MICAL3: variants seen among roughly 807,000 people sequenced by gnomAD.
MICAL3 encodes [F-actin]-monooxygenase MICAL3.
In MICAL3, 62 loss-of-function variants were observed where a neutral mutation model predicts 207.4. That is an observed-to-expected ratio of 0.30 (90% CI 0.24 to 0.37). The LOEUF (loss-of-function observed/expected upper bound fraction) is 0.37, where lower values mean the gene tolerates loss of function less well. MICAL3 is among the 10% of genes least tolerant of loss of function. The probability of loss-of-function intolerance (pLI) is 1.00; values close to 1 mark genes in which losing one functional copy is unlikely to be tolerated. For missense variants in MICAL3, 2,368 were observed against 2,635.6 expected, an observed-to-expected ratio of 0.90 and a Z score of 2.22; for synonymous variants, 1,077 against 1,069.3, an observed-to-expected ratio of 1.01 and a Z score of -0.14.
At chr22:17,943,675 C>G (rs1296561753) in intron 1 of MICAL3, among the ~76,000 whole-genome samples, 2 of 152,208 alleles carry the variant, frequency 1.3e-5, no homozygotes. Context: ...TGTTTGATAG[C>G]GTAAACTGGA....
intron 19 of MICAL3, among the ~76,000 whole-genome samples, chr22:17,858,205 G>A (rs1303172154): frequency 2.0e-5 from 3 of 152,094 alleles, no homozygotes; most frequent in African/African-American, 7.3e-5. Flanking sequence ...GCGGTGAGGA[G>A]ACAAGGAGCA....
intron 12 of MICAL3, 33 bp downstream of exon 12, chr22:17,891,452 T>C: frequency 1.2e-6 from 2 of 1,607,912 alleles, no homozygotes; most frequent in Non-Finnish European, 1.7e-6. Context: ...CCTTGAGGAG[T>C]ATAAAAAAAC....
intron 1 of MICAL3, among the ~76,000 whole-genome samples, chr22:17,944,814 G>C (rs993323016): frequency 2.0e-5 from 3 of 152,142 alleles, no homozygotes; most frequent in African/African-American, 7.2e-5. Flanking sequence ...TCTGAGGGTG[G>C]AGCAGGCCAC....
Position 17,818,402 on chromosome 22 carries a change from C to G in MICAL3, c.4259G>C (p.Arg1420Thr). 1 of 1,611,304 alleles carries G rather than the reference C, an allele frequency of 6.2e-7. No individual in the cohort carries two copies. Among genetic ancestry groups the G allele is most frequent in the Non-Finnish European group, 8.5e-7 (1 of 1,179,754 alleles). Reference sequence around the variant, plus strand: ...CAGGCCAGAGCTGCTGGACAGCTCCCTGCGCTCCTCCTGGGCGCTGCGTAG... The same window carrying G: ...CAGGCCAGAGCTGCTGGACAGCTCCGTGCGCTCCTCCTGGGCGCTGCGTAG... ...RELRSAQEER[R>T]ELSSSSGLGL... The change falls in exon 26 of 32, where the codon AGG becomes ACG. Residue 1420 changes from arginine to threonine, a missense_variant. Transcript: ENST00000441493.
chr22:17,875,161 ATT>A (rs1235881472), intron 16 of MICAL3: 4 of 191,994 alleles, frequency 2.1e-5, no homozygotes, highest in Non-Finnish European at 4.2e-5. Context: ...AACATTTATC[ATT>A]ATTTGATATA....
At chr22:17,944,817 C>T (rs1933980007) in intron 1 of MICAL3, among the ~76,000 whole-genome samples, 2 of 152,112 alleles carry the variant, frequency 1.3e-5, no homozygotes, top group Admixed American at 6.5e-5. Flanking sequence ...GAGGGTGGAG[C>T]AGGCCACGGC....
At chr22:17,953,220 T>C (rs1362342113) in intron 1 of MICAL3, among the ~76,000 whole-genome samples, 2 of 152,190 alleles carry the variant, frequency 1.3e-5, no homozygotes, top group South Asian at 2.1e-4. Flanking sequence ...AAGCTTTCTT[T>C]ACCTGTAGGG....
intron 1 of MICAL3, among the ~76,000 whole-genome samples, chr22:17,916,065 A>AAC (rs1364844473): frequency 4.7e-5 from 7 of 150,096 alleles, no homozygotes; most frequent in African/African-American, 1.7e-4. Context: ...CAAAAAAAAA[A>AAC]AAAAAAAAAA....
intron 11 of MICAL3, among the ~76,000 whole-genome samples, chr22:17,893,562 G>A (rs1164624356): frequency 6.6e-6 from 1 of 152,162 alleles, no homozygotes; most frequent in Non-Finnish European, 1.5e-5. Context: ...GTGGAGGCCT[G>A]TCTCGTGCAC....
Position 17,817,715 on chromosome 22 carries a change from G to C in MICAL3, c.4946C>G (p.Ser1649Cys). The C allele has an allele frequency of 3.1e-6, 5 of 1,594,896 alleles. No individual in the cohort carries two copies. Among genetic ancestry groups the C allele is most frequent in the Non-Finnish European group, 4.3e-6 (5 of 1,172,068 alleles). Residue 1649 changes from serine to cysteine, a missense_variant, in exon 26 of 32, where the codon TCC becomes TGC. By Grantham distance (112) the Ser-to-Cys change is moderately radical. Transcript: ENST00000441493. ...PSQGKERRPD[S>C]PTRPTLRGSE... The stretch of plus-strand genomic sequence containing the variant: ...GCCCCTGAGAGTGGGGCGTGTGGGG[G>C]AGTCAGGCCGGCGCTCCTTGCCCTG...
intron 1 of MICAL3, among the ~76,000 whole-genome samples, chr22:17,967,380 T>C (rs1443123758): frequency 6.6e-6 from 1 of 152,092 alleles, no homozygotes; most frequent in East Asian, 1.9e-4. Context: ...AACACATATA[T>C]TTAAGGCATT....
At chr22:17,843,120 CAAAAAAA>C (rs71966425) in intron 19 of MICAL3, among the ~76,000 whole-genome samples, 4 of 62,916 alleles carry the variant, frequency 6.4e-5, no homozygotes, top group Admixed American at 3.8e-4. Context: ...GACTTCATCT[CAAAAAAA>C]AAAAAAAAAA....
At chr22:17,843,264 T>C (rs1405643980) in intron 19 of MICAL3, among the ~76,000 whole-genome samples, 1 of 152,212 alleles carries the variant, frequency 6.6e-6, no homozygotes, top group Non-Finnish European at 1.5e-5. Flanking sequence ...ACAACTGTGC[T>C]TTGGTCTCCT....
intron 21 of MICAL3, among the ~76,000 whole-genome samples, chr22:17,828,297 G>A (rs1221961384): frequency 7.2e-5 from 11 of 152,186 alleles, no homozygotes; most frequent in Admixed American, 7.2e-4. Flanking sequence ...CGAGAGAGGT[G>A]GGAAGAGATT....
At chr22:17,936,072 C>G (rs1933510580) in intron 1 of MICAL3, among the ~76,000 whole-genome samples, 1 of 152,230 alleles carries the variant, frequency 6.6e-6, no homozygotes, top group South Asian at 2.1e-4. Flanking sequence ...AATCCCATTA[C>G]TGGGTATATA....
chr22:17,940,340 T>G (rs552980554), intron 1 of MICAL3, among the ~76,000 whole-genome samples: 1 of 152,204 alleles, frequency 6.6e-6, no homozygotes, highest in African/African-American at 2.4e-5. Context: ...AGGGGATCAA[T>G]GCTGCAGTGA....
Position 17,818,834 on chromosome 22 carries a change from G to C in MICAL3, c.3827C>G (p.Thr1276Ser). 1 of 1,554,624 alleles carries C rather than the reference G, an allele frequency of 6.4e-7. No individual in the cohort carries two copies. Among genetic ancestry groups the C allele is most frequent in the East Asian group, 2.3e-5 (1 of 44,134 alleles). ...AGGCTGGAAGCGTATGGGGGACTGG[G>C]TAGGGGATGGGACAGTGGCCTCGGT... ...PSTEATVPSP[T>S]QSPIRFQPAP... The change falls in exon 26 of 32, where the codon ACC becomes AGC. Residue 1276 changes from threonine to serine, a missense_variant. Thr to Ser is a moderately conservative substitution (Grantham distance 58, BLOSUM62 1). Coordinates refer to ENST00000441493, the MANE Select transcript of MICAL3 (RefSeq NM_015241.3).
rs1254156477 is a variant in MICAL3 at position 17,827,528 on chromosome 22, T to TC, written c.3193+115dup. The TC allele has an allele frequency of 4.4e-6, 5 of 1,129,370 alleles. No individual in the cohort carries two copies. The African/African-American group carries it at 7.8e-5, about 18-fold the overall frequency. The allele number at this position is 1,129,370 out of a possible 1,614,324, so 70.0% of individuals were successfully genotyped here. On this transcript the variant is annotated intron_variant, in intron 22 of 31. Coordinates refer to ENST00000441493, the MANE Select transcript of MICAL3 (RefSeq NM_015241.3). ...AGCAGCAAAGCGGGATGCGCCTGGC[T>TC]CCCGTGTGTGACCTCATGGGTGGCT...
chr22:17,817,896 C>G lies in MICAL3; in HGVS notation c.4765G>C (p.Ala1589Pro). ...ATGCGCTCCTCGGCCAACTCCTTGGCTTCCGCGGACACCAAGGGCAGCCCC... is the reference window on the plus strand; with the variant it reads ...ATGCGCTCCTCGGCCAACTCCTTGGGTTCCGCGGACACCAAGGGCAGCCCC... ...KRGLPLVSAE[A>P]KELAEERMRA... Residue 1589 changes from alanine (A) to proline (P), a missense_variant, in exon 26 of 32, where the codon GCC (alanine) becomes CCC (proline). Around this residue, in one of 4 missense-constraint regions of MICAL3, gnomAD observed 1,770 missense variants for 1,863.2 expected, o/e 0.95. Coordinates refer to ENST00000441493, the MANE Select transcript of MICAL3 (RefSeq NM_015241.3). 1 of 1,612,456 alleles carries G rather than the reference C, an allele frequency of 6.2e-7. No homozygotes were observed. The highest frequency in any genetic ancestry group is 8.5e-7 in the Non-Finnish European group (1 of 1,179,782).
Sources: allele counts gnomAD v4.1 joint callset (sites outside exome capture counted in the v4.1 genomes callset), GRCh38; gene constraint gnomAD v4.1.1; regional missense constraint gnomAD v4.1.1; transcripts MANE v1.5; gene names NCBI Gene and HGNC (gene_info 2026-07-23, HGNC 2026-07-21).